The following XYLT1 variants were observed in gnomAD, a reference collection of about 807,000 sequenced individuals.
The protein encoded by XYLT1 is xylosyltransferase 1, also known as beta-D-xylosyltransferase 1.
A neutral mutation model predicts 91.3 loss-of-function variants in XYLT1; 36 were observed. The observed-to-expected ratio is 0.39, with a 90% confidence interval of 0.30 to 0.52. The LOEUF (loss-of-function observed/expected upper bound fraction) is 0.52, where lower values mean the gene tolerates loss of function less well. Ranked by LOEUF, XYLT1 falls within the 20% of genes least tolerant of loss-of-function variation. The pLI, the probability that XYLT1 is intolerant of heterozygous loss-of-function variation, is 0.68. For missense variants in XYLT1, 1,242 were observed against 1,284.5 expected, an observed-to-expected ratio of 0.97 and a Z score of 0.51; for synonymous variants, 588 against 532.0, an observed-to-expected ratio of 1.11 and a Z score of -1.45.
chr16:17,449,550 G>C (rs1596552008), intron 1 of XYLT1, among the ~76,000 whole-genome samples: 1 of 152,228 alleles, frequency 6.6e-6, no homozygotes, highest in Admixed American at 6.5e-5. Flanking sequence ...GTGCAACCTT[G>C]CGAGAGTTAC....
In XYLT1 at chr16:17,259,228, C is replaced by T; in HGVS notation, c.673G>A (p.Ala225Thr). ...ACATCCTTCCCGTGGCTGCTGTTGG[C>T]TGCGGCTCTGTCCCCGGGAGGCAGC... The part of the protein sequence containing the change: ...EVLPPGDRAA[A>T]NSSHGKDVSR... Residue 225 changes from alanine to threonine, a missense_variant, in exon 3 of 12, where the codon GCC (alanine) becomes ACC (threonine). Ala to Thr is a moderately conservative substitution (Grantham distance 58). Around this residue, in one of 3 missense-constraint regions of XYLT1, gnomAD observed 437 missense variants for 411.5 expected, o/e 1.06. Transcript: ENST00000261381. 6.2e-7 allele frequency: 1 copy of T among 1,614,000 alleles called. No homozygotes were observed. The highest frequency in any genetic ancestry group is 2.2e-5 in the East Asian group (1 of 44,866).
At position 17,237,633 on chromosome 16, in the gene XYLT1, G is replaced by A. The variant is rs1331439280; in HGVS notation, c.913+21355C>T. 6.6e-5 allele frequency among the ~76,000 whole-genome samples: 10 copies of A among 152,296 alleles called. No homozygotes were observed. In the South Asian group the frequency reaches 1.0e-3, roughly 16 times the overall value. ...AGACGCAGCGGTGTAATTAGAATCC[G>A]GAGACGGATTCATCAGCATTTCTTA... is the stretch of plus-strand genomic sequence containing the variant. On this transcript the variant is annotated intron_variant, in intron 3 of 11. Transcript: ENST00000261381.
chr16:17,127,710 T>C lies in XYLT1; in HGVS notation c.2179A>G (p.Ile727Val). 1 of 1,614,120 alleles carries C rather than the reference T, an allele frequency of 6.2e-7. No homozygotes were observed. Among genetic ancestry groups the C allele is most frequent in the Non-Finnish European group, 8.5e-7 (1 of 1,180,016 alleles). Residue 727 changes from isoleucine to valine, a missense_variant, in exon 10 of 12, where the codon ATC becomes GTC. Around this residue, in one of 3 missense-constraint regions of XYLT1, gnomAD observed 511 missense variants for 497.0 expected, o/e 1.03. Transcript: ENST00000261381. ...CCAAAGTCACTGGGTGGGCTTGCGA[T>C]CTTGAAGACTTTTTTCGGCATCACC... ...TWVMPKKVFKIASPPSDFGRL... is the reference protein window; with the variant it reads ...TWVMPKKVFKVASPPSDFGRL...
At chr16:17,216,233 C>T (rs1379397691) in intron 3 of XYLT1, among the ~76,000 whole-genome samples, 2 of 152,108 alleles carry the variant, frequency 1.3e-5, no homozygotes, top group Admixed American at 6.5e-5. Context: ...CATGGAAAAA[C>T]GCAGCGACTC....
chr16:17,230,126 T>C (rs2141720222), intron 3 of XYLT1, among the ~76,000 whole-genome samples: 1 of 152,348 alleles, frequency 6.6e-6, no homozygotes, highest in Non-Finnish European at 1.5e-5. Flanking sequence ...TGTGGACTTC[T>C]GACCTCCAGA....
In XYLT1 at chr16:17,108,485, C is replaced by T; in HGVS notation, c.*210G>A. 1 of 524,640 alleles carries T rather than the reference C, an allele frequency of 1.9e-6. No individual in the cohort carries two copies. The highest frequency in any genetic ancestry group is 3.3e-6 in the Non-Finnish European group (1 of 299,306). 32.5% of individuals were successfully genotyped at this position (524,640 alleles called of 1,614,324 possible). ...AGGTGAGACAGTCACAGTGCAGGGA[C>T]TGAGCCATCCCACCCGCAGCTTGCC... On this transcript the variant is annotated 3_prime_UTR_variant, in exon 12 of 12. Transcript: ENST00000261381.
chr16:17,427,136 C>T (rs1054000812), intron 1 of XYLT1, among the ~76,000 whole-genome samples: 3 of 152,182 alleles, frequency 2.0e-5, no homozygotes, highest in African/African-American at 2.4e-5. Flanking sequence ...TGAAAGGCAG[C>T]GAAGGTATCT....
chr16:17,417,213 G>A (rs1204522121), intron 1 of XYLT1, among the ~76,000 whole-genome samples: 2 of 152,170 alleles, frequency 1.3e-5, no homozygotes, highest in African/African-American at 4.8e-5. Flanking sequence ...AGGCTCTACT[G>A]ACTCTCTTAA....
intron 3 of XYLT1, among the ~76,000 whole-genome samples, chr16:17,205,977 C>CT (rs1169645330): frequency 6.6e-6 from 1 of 152,104 alleles, no homozygotes; most frequent in African/African-American, 2.4e-5. Flanking sequence ...GCAAATGAGG[C>CT]TTGGGTTAGG....
rs1462894322 is a variant in XYLT1, at chr16:17,454,908, CCCCCG to C, written c.363+15521_363+15525del. The stretch of plus-strand genomic sequence containing the variant: ...CACAAAATATCATTCTTTCCTCCCC[CCCCCG>C]CCCCCCCCCGCAACTATTTAAAAAC... On this transcript the variant is annotated intron_variant, in intron 1 of 11. Coordinates refer to ENST00000261381, the MANE Select transcript of XYLT1 (RefSeq NM_022166.4). 2.1e-4 allele frequency among the ~76,000 whole-genome samples: 15 copies of C among 70,600 alleles called. 1 individual carries two copies. The highest frequency in any genetic ancestry group is 9.9e-4 in the African/African-American group (13 of 13,076). 46.3% of individuals were successfully genotyped at this position (70,600 alleles called of 152,430 possible).
In XYLT1 at chr16:17,104,667, C is replaced by CAAAA. The variant is rs1567272865; in HGVS notation, c.*4027_*4028insTTTT. 1 of 151,392 alleles carries CAAAA rather than the reference C, an allele frequency of 6.6e-6. No individual in the cohort carries two copies. Among genetic ancestry groups the CAAAA allele is most frequent in the African/African-American group, 2.4e-5 (1 of 40,868 alleles). The allele number at this position is 151,392 out of a possible 1,614,324, so 9.4% of individuals were successfully genotyped here. A position where few individuals can be genotyped will look rare whatever the true frequency, so the allele number is the denominator to read the frequency against. ...AAAAAAACAAAAACAAACAAACAAA[C>CAAAA]AACCCGACGTTGAAAAATCAGATTT... On this transcript the variant is annotated 3_prime_UTR_variant, in exon 12 of 12. Coordinates refer to ENST00000261381, the MANE Select transcript of XYLT1 (RefSeq NM_022166.4).
In XYLT1 at chr16:17,106,415, A is replaced by T. The variant is rs896310258; in HGVS notation, c.*2280T>A. 1.3e-5 allele frequency: 2 copies of T among 152,166 alleles called. No homozygotes were observed. Among genetic ancestry groups the T allele is most frequent in the Non-Finnish European group, 2.9e-5 (2 of 68,034 alleles). The allele number at this position is 152,166 out of a possible 1,614,324, so 9.4% of individuals were successfully genotyped here. ...GGCCACCATAGAGTCTGTAAAAGAGATCATAGGGGCTTTCTGAGAAAAGTA... is the reference window on the plus strand; with the variant it reads ...GGCCACCATAGAGTCTGTAAAAGAGTTCATAGGGGCTTTCTGAGAAAAGTA... On this transcript the variant is annotated 3_prime_UTR_variant, in exon 12 of 12. Coordinates refer to ENST00000261381, the MANE Select transcript of XYLT1 (RefSeq NM_022166.4).
rs4782035 is a variant in XYLT1 at position 17,127,451 on chromosome 16, A to T, written c.2223+215T>A. Among the ~76,000 whole-genome samples, 48,488 of 151,952 alleles carry T rather than the reference A, an allele frequency of 0.32. 9,275 individuals are homozygous for T. The highest frequency in any genetic ancestry group is 0.44 in the Non-Finnish European group (29,680 of 67,926). On this transcript the variant is annotated intron_variant, in intron 10 of 11. Coordinates refer to ENST00000261381, the MANE Select transcript of XYLT1 (RefSeq NM_022166.4). Reference sequence around the variant, plus strand: ...CAGAAATTCTACCCTAAAAAATACAACTGTGTTCCAGTTGGTTTGATCCTC... The same window carrying T: ...CAGAAATTCTACCCTAAAAAATACATCTGTGTTCCAGTTGGTTTGATCCTC...
chr16:17,243,063 G>C (rs1323075114), intron 3 of XYLT1, among the ~76,000 whole-genome samples: 1 of 152,152 alleles, frequency 6.6e-6, no homozygotes, highest in Non-Finnish European at 1.5e-5. Context: ...TCTGAATAAT[G>C]CTCCTATAAA....
intron 2 of XYLT1, among the ~76,000 whole-genome samples, chr16:17,279,620 CTG>C (rs2034027590): frequency 6.6e-6 from 1 of 152,220 alleles, no homozygotes; most frequent in African/African-American, 2.4e-5. Flanking sequence ...TTTGGATACA[CTG>C]TGGGCTAACT....
intron 2 of XYLT1, among the ~76,000 whole-genome samples, chr16:17,300,211 C>T (rs967955901): frequency 1.3e-5 from 2 of 152,100 alleles, no homozygotes; most frequent in African/African-American, 4.8e-5. Flanking sequence ...TATTTTTGTG[C>T]CTCTGACAAA....
chr16:17,145,154 G>A (rs769580480), intron 6 of XYLT1, among the ~76,000 whole-genome samples: 3 of 152,162 alleles, frequency 2.0e-5, no homozygotes, highest in South Asian at 2.1e-4. Flanking sequence ...CTTTTGCTTC[G>A]CATAATGTTT....
intron 1 of XYLT1, among the ~76,000 whole-genome samples, chr16:17,454,923 G>A (rs866151171): frequency 0.036 from 379 of 10,670 alleles, 25 homozygotes; most frequent in African/African-American, 0.16. Flanking sequence ...GCCCCCCCCC[G>A]CAACTATTTA....
At chr16:17,177,403 T>C (rs532121784) in intron 5 of XYLT1, among the ~76,000 whole-genome samples, 1 of 152,302 alleles carries the variant, frequency 6.6e-6, no homozygotes, top group African/African-American at 2.4e-5. Flanking sequence ...TCCTGCATTA[T>C]ATGCATGCAA....
Sources: gnomAD v4.1 joint callset for allele counts (sites outside exome capture counted in the v4.1 genomes callset) on GRCh38, gnomAD v4.1.1 for gene constraint, gnomAD v4.1.1 regional missense constraint, MANE v1.5 for transcripts, NCBI Gene and HGNC (gene_info 2026-07-23, HGNC 2026-07-21) for gene names.